Variants in TMEM217B observed in about 807,000 individuals in gnomAD.
TMEM217B encodes putative transmembrane protein 217B.
At chr6:37,229,398 A>G in the TMEM217B span, among the ~76,000 whole-genome samples, 1 of 119,986 alleles carries the variant, frequency 8.3e-6, no homozygotes, top group Non-Finnish European at 1.6e-5. Context: ...GCTGGAGTGC[A>G]GCGGCGCGAT....
chr6:37,233,839 T>C, the TMEM217B span, among the ~76,000 whole-genome samples: 1 of 152,170 alleles, frequency 6.6e-6, no homozygotes, highest in Admixed American at 6.5e-5. Context: ...CGACTTAAAT[T>C]TTTTCCACTT....
At chr6:37,218,391 G>A in the TMEM217B span, 7 of 1,483,314 alleles carry the variant, frequency 4.7e-6, no homozygotes, top group South Asian at 4.9e-5. Context: ...AGGCCAGGCT[G>A]GTCTTGAACT....
chr6:37,244,155 T>C, the TMEM217B span, among the ~76,000 whole-genome samples: 1 of 152,220 alleles, frequency 6.6e-6, no homozygotes, highest in African/African-American at 2.4e-5. Context: ...AAAGGTGGTT[T>C]AGTTTTGGGA....
the TMEM217B span, among the ~76,000 whole-genome samples, chr6:37,253,408 C>T: frequency 2.0e-5 from 3 of 152,152 alleles, no homozygotes; most frequent in Non-Finnish European, 2.9e-5. Flanking sequence ...TTTCCCTTCA[C>T]CCCCCAAATT....
chr6:37,252,617 G>GTATATA, the TMEM217B span, among the ~76,000 whole-genome samples: 21 of 112,296 alleles, frequency 1.9e-4, no homozygotes, highest in Non-Finnish European at 2.8e-4. Context: ...GTATGTGTGT[G>GTATATA]TATATATATA....
the TMEM217B span, among the ~76,000 whole-genome samples, chr6:37,227,041 CCTGTATAT>C: frequency 6.6e-6 from 1 of 152,170 alleles, no homozygotes; most frequent in Non-Finnish European, 1.5e-5. Flanking sequence ...TTTGCCCAGG[CCTGTATAT>C]CTGCACAGCA....
At chr6:37,212,237 C>T in the TMEM217B span, 3 of 340,602 alleles carry the variant, frequency 8.8e-6, no homozygotes, top group African/African-American at 6.4e-5. Context: ...AGTCACACAA[C>T]ACATCTGTAA....
chr6:37,215,134 G>A, the TMEM217B span: 1 of 1,597,020 alleles, frequency 6.3e-7, no homozygotes, highest in Non-Finnish European at 8.5e-7. Context: ...TATAATAATG[G>A]CCTAACTTCC....
chr6:37,213,154 C>T, the TMEM217B span, among the ~76,000 whole-genome samples: 1 of 152,204 alleles, frequency 6.6e-6, no homozygotes, highest in Non-Finnish European at 1.5e-5. Flanking sequence ...CTGGCCCGTG[C>T]TCTGGCCTAA....
chr6:37,229,595 G>T, the TMEM217B span, among the ~76,000 whole-genome samples: 1 of 151,994 alleles, frequency 6.6e-6, no homozygotes, highest in East Asian at 1.9e-4. Context: ...ACCCGCCTCC[G>T]CCTCCCAAAG....
At chr6:37,256,718 G>A in the TMEM217B span, among the ~76,000 whole-genome samples, 2 of 137,678 alleles carry the variant, frequency 1.5e-5, no homozygotes, top group South Asian at 2.5e-4. Context: ...ATATGTGGAA[G>A]TACATGTGGT....
At chr6:37,245,111 T>C in the TMEM217B span, among the ~76,000 whole-genome samples, 1 of 152,134 alleles carries the variant, frequency 6.6e-6, no homozygotes, top group Non-Finnish European at 1.5e-5. Context: ...GTCAAAAGGG[T>C]GAGCCCAGTC....
At chr6:37,227,135 G>A in the TMEM217B span, among the ~76,000 whole-genome samples, 96,523 of 151,952 alleles carry the variant, frequency 0.64, 30,887 homozygotes, top group East Asian at 0.84. Flanking sequence ...ACCTACTTGT[G>A]TCTTGTGGGT....
chr6:37,213,057 C>A, the TMEM217B span: 3 of 1,080,784 alleles, frequency 2.8e-6, no homozygotes, highest in Non-Finnish European at 3.9e-6. Flanking sequence ...TAGACAAATC[C>A]CCCAAGTCAC....
the TMEM217B span, among the ~76,000 whole-genome samples, chr6:37,222,991 T>G: frequency 1.3e-5 from 2 of 152,194 alleles, no homozygotes; most frequent in African/African-American, 4.8e-5. Context: ...AATTAAAAAT[T>G]CAGTGGACAT....
chr6:37,249,635 A>G, the TMEM217B span, among the ~76,000 whole-genome samples: 1 of 152,176 alleles, frequency 6.6e-6, no homozygotes, highest in Non-Finnish European at 1.5e-5. Context: ...GAAGATTTCT[A>G]TGTGACTGAA....
chr6:37,214,855 T>A, the TMEM217B span, among the ~76,000 whole-genome samples: 1 of 152,138 alleles, frequency 6.6e-6, no homozygotes, highest in Middle Eastern at 3.2e-3. Context: ...CAGTGTGTTG[T>A]CTAGTGGGTA....
the TMEM217B span, among the ~76,000 whole-genome samples, chr6:37,255,457 G>A: frequency 6.6e-6 from 1 of 152,114 alleles, no homozygotes; most frequent in Non-Finnish European, 1.5e-5. Flanking sequence ...CAAAGGTGGT[G>A]GATTGCTTGA....
At chr6:37,231,250 T>TTA in the TMEM217B span, among the ~76,000 whole-genome samples, 1 of 82,170 alleles carries the variant, frequency 1.2e-5, no homozygotes, top group East Asian at 3.7e-4. Flanking sequence ...TTTTTTTTTT[T>TTA]GTAGAAACGG....
Sources: allele counts gnomAD v4.1 joint callset (sites outside exome capture counted in the v4.1 genomes callset), GRCh38; gene constraint gnomAD v4.1.1; transcripts MANE v1.5; gene names NCBI Gene and HGNC (gene_info 2026-07-23, HGNC 2026-07-21).